TMEM9B: variants seen among roughly 807,000 people sequenced by gnomAD.
TMEM9B encodes TMEM9 domain family member B.
A neutral mutation model predicts 23.5 loss-of-function variants in TMEM9B; 8 were observed. The ratio of observed to expected loss-of-function variants is 0.34; its 90% CI spans 0.20 to 0.61. The LOEUF is 0.61. Ranked by LOEUF, TMEM9B falls within the 20% of genes least tolerant of loss-of-function variation. The pLI is 0.78. For missense variants in TMEM9B, 197 were observed against 252.3 expected, an observed-to-expected ratio of 0.78 and a Z score of 1.49; for synonymous variants, 106 against 96.3, an observed-to-expected ratio of 1.10 and a Z score of -0.59.
chr11:8,956,206 CTTCT>C lies in TMEM9B; in HGVS notation c.286_289del (p.Arg96AlafsTer10). 6.2e-7 allele frequency: 1 copy of C among 1,613,498 alleles called. No individual in the cohort carries two copies. The highest frequency in any genetic ancestry group is 8.5e-7 in the Non-Finnish European group (1 of 1,179,910). Reference sequence around the variant, plus strand: ...ATATTTTACCTTGATTGTGACAGAGCTTCTTTCTTCATATTTGCATTCACAGCGT... The same window carrying C: ...ATATTTTACCTTGATTGTGACAGAGCTTCTTCATATTTGCATTCACAGCGT... On this transcript the variant is annotated frameshift_variant, in exon 3 of 5. Transcript: ENST00000534025. LOFTEE classifies it high-confidence loss of function.
intron 2 of TMEM9B, among the ~76,000 whole-genome samples, chr11:8,960,368 C>T (rs1854054026): frequency 6.6e-6 from 1 of 152,082 alleles, no homozygotes; most frequent in South Asian, 2.1e-4. Flanking sequence ...TCTTGAACTC[C>T]TGGCCTCAAG....
chr11:8,953,187 C>T lies in TMEM9B; in HGVS notation c.441+16G>A. ...AGGGACTGGCCATGAGCAGCTAGGG[C>T]AGGCTGGGAACTTACCCCAATATCA... On this transcript the variant is annotated intron_variant, in intron 4 of 4. Transcript: ENST00000534025. The T allele has an allele frequency of 6.2e-7, 1 of 1,614,150 alleles. No individual in the cohort carries two copies. The highest frequency in any genetic ancestry group is 8.5e-7 in the Non-Finnish European group (1 of 1,180,018).
At chr11:8,949,695 T>C (rs1345746878) in intron 4 of TMEM9B, among the ~76,000 whole-genome samples, 1 of 152,254 alleles carries the variant, frequency 6.6e-6, no homozygotes, top group African/African-American at 2.4e-5. Flanking sequence ...TTATACAATG[T>C]CTACATTTGA....
At chr11:8,948,592 G>T in intron 4 of TMEM9B, 117 bp from the exon 5 acceptor site, 2 of 1,230,366 alleles carry the variant, frequency 1.6e-6, no homozygotes, top group Non-Finnish European at 2.2e-6. Context: ...AAACAACAGA[G>T]CATCTATTTA....
In TMEM9B at chr11:8,947,974, C is replaced by T. The variant is rs1276756362; in HGVS notation, c.*346G>A. The T allele has an allele frequency of 6.0e-6, 1 of 166,506 alleles. No homozygotes were observed. The highest frequency in any genetic ancestry group is 1.3e-5 in the Non-Finnish European group (1 of 77,172). The allele number at this position is 166,506 out of a possible 1,614,324, so 10.3% of individuals were successfully genotyped here. ...ACAAAAAACAACAACAACAAAAACC[C>T]TGAAAATTATCTTGAAAGTCAAGTT... On this transcript the variant is annotated 3_prime_UTR_variant, in exon 5 of 5. Transcript: ENST00000534025.
At chr11:8,960,254 A>G (rs996025470) in intron 2 of TMEM9B, among the ~76,000 whole-genome samples, 1 of 144,602 alleles carries the variant, frequency 6.9e-6, no homozygotes, top group South Asian at 2.1e-4. Flanking sequence ...GCGATTCTCT[A>G]CCTTAGCCTT....
At position 8,948,112 on chromosome 11, in the gene TMEM9B, C is replaced by A. The variant is rs746852937; in HGVS notation, c.*208G>T. On this transcript the variant is annotated 3_prime_UTR_variant, in exon 5 of 5. Coordinates refer to ENST00000534025, the MANE Select transcript of TMEM9B (RefSeq NM_020644.3). ...TCACAAATAGGAAAAGACTTATTGG[C>A]TGACTTTGAGCTGTGTGCTTTTAAA... 3 of 486,436 alleles carry A rather than the reference C, an allele frequency of 6.2e-6. No individual in the cohort carries two copies. Among genetic ancestry groups the A allele is most frequent in the Admixed American group, 3.8e-5 (1 of 26,028 alleles). 30.1% of individuals were successfully genotyped at this position (486,436 alleles called of 1,614,324 possible). A position where few individuals can be genotyped will look rare whatever the true frequency, so the allele number is the denominator to read the frequency against.
chr11:8,954,420 C>T (rs1853938214), intron 3 of TMEM9B, among the ~76,000 whole-genome samples: 1 of 151,966 alleles, frequency 6.6e-6, no homozygotes, highest in Non-Finnish European at 1.5e-5. Flanking sequence ...TCCCAAGTAG[C>T]TGGGACTACA....
upstream of TMEM9B, chr11:8,964,544 G>C: frequency 2.4e-6 from 3 of 1,269,024 alleles, no homozygotes; most frequent in Admixed American, 3.3e-5. Context: ...CAGTCCTGGT[G>C]CCCGCCTTGG....
Position 8,956,245 on chromosome 11 carries a change from G to A in TMEM9B, c.251C>T (p.Ala84Val), listed in dbSNP as rs375350334. ...TTTGCATTCACAGCGTAGACAGTAT[G>A]CTTCTACATCAGGCCCCCGCACAGG... ...PMPVRGPDVEAYCLRCECKYE... is the reference protein window; with the variant it reads ...PMPVRGPDVEVYCLRCECKYE... The change falls in exon 3 of 5, where the codon GCA becomes GTA. Residue 84 changes from alanine to valine, a missense_variant. Coordinates refer to ENST00000534025, the MANE Select transcript of TMEM9B (RefSeq NM_020644.3). 1.2e-6 allele frequency: 2 copies of A among 1,613,680 alleles called. No individual in the cohort carries two copies. The highest frequency in any genetic ancestry group is 1.3e-5 in the African/African-American group (1 of 74,888).
At chr11:8,960,554 C>A (rs1589948403) in intron 2 of TMEM9B, among the ~76,000 whole-genome samples, 1 of 152,150 alleles carries the variant, frequency 6.6e-6, no homozygotes, top group African/African-American at 2.4e-5. Flanking sequence ...GTGCTAACCA[C>A]TTGAATAGTG....
In TMEM9B at chr11:8,963,381, T is replaced by A. The variant is rs565841941; in HGVS notation, c.105+828A>T. 4.7e-4 allele frequency among the ~76,000 whole-genome samples: 71 copies of A among 152,332 alleles called. 1 individual carries two copies. The highest frequency in any genetic ancestry group is 1.7e-3 in the African/African-American group (69 of 41,562). ...TGTTTTCCCATCATACTAATGTGAA[T>A]CCCTTCTGTTCTCCCCCAATGATGA... On this transcript the variant is annotated intron_variant, in intron 1 of 4. Transcript: ENST00000534025.
intron 4 of TMEM9B, 125 bp downstream of exon 4, chr11:8,953,078 A>G (rs1166134022): frequency 3.4e-6 from 4 of 1,178,302 alleles, no homozygotes; most frequent in Non-Finnish European, 5.1e-6. Flanking sequence ...AGCTGTTTTT[A>G]GCTTCTCTAG....
intron 3 of TMEM9B, among the ~76,000 whole-genome samples, chr11:8,953,565 C>T (rs1853921235): frequency 6.6e-6 from 1 of 152,318 alleles, no homozygotes; most frequent in South Asian, 2.1e-4. Flanking sequence ...CCAACTTCAC[C>T]TACTGCTAAT....
intron 2 of TMEM9B, among the ~76,000 whole-genome samples, chr11:8,960,593 T>A (rs963998414): frequency 6.6e-6 from 1 of 152,214 alleles, no homozygotes; most frequent in Non-Finnish European, 1.5e-5. Flanking sequence ...AAGACAGGCA[T>A]TGCATTTCAT....
intron 4 of TMEM9B, among the ~76,000 whole-genome samples, chr11:8,951,213 C>G (rs1369268155): frequency 1.3e-5 from 2 of 152,128 alleles, no homozygotes; most frequent in Non-Finnish European, 1.5e-5. Flanking sequence ...AAATCAGGAA[C>G]AGATATTTAA....
intron 1 of TMEM9B, among the ~76,000 whole-genome samples, chr11:8,963,756 G>T (rs1218035226): frequency 1.3e-5 from 2 of 152,202 alleles, no homozygotes; most frequent in African/African-American, 4.8e-5. Context: ...CCCTTGACAG[G>T]GAAGGCTCTG....
In TMEM9B at chr11:8,964,321, G is replaced by C; in HGVS notation, c.-8C>G. 1.3e-6 allele frequency: 2 copies of C among 1,561,060 alleles called. No homozygotes were observed. The highest frequency in any genetic ancestry group is 2.4e-5 in the South Asian group (2 of 84,428). ...TCCCCACAGGGTCGCCATCGCTGGG[G>C]GCCCAGCGGTCCCACAGCCCGGAGC... On this transcript the variant is annotated 5_prime_UTR_variant, in exon 1 of 5. Transcript: ENST00000534025.
intron 2 of TMEM9B, among the ~76,000 whole-genome samples, chr11:8,960,520 A>T (rs761655557): frequency 3.6e-4 from 55 of 152,146 alleles, no homozygotes; most frequent in Non-Finnish European, 6.5e-4. Context: ...AGTCTGAAAT[A>T]ATGAAAAGTT....
Sources: gnomAD v4.1 joint callset for allele counts (sites outside exome capture counted in the v4.1 genomes callset) on GRCh38, gnomAD v4.1.1 for gene constraint, MANE v1.5 for transcripts, NCBI Gene and HGNC (gene_info 2026-07-23, HGNC 2026-07-21) for gene names.